The following NFASC variants were observed in gnomAD, a reference collection of about 807,000 sequenced individuals.
The protein encoded by NFASC is neurofascin homolog.
Under a neutral mutation model 147.5 loss-of-function variants are expected in NFASC, and 43 were observed. The observed-to-expected ratio is 0.29, with a 90% CI of 0.23 to 0.38. The LOEUF (loss-of-function observed/expected upper bound fraction) is 0.38. Among genes scored for constraint, NFASC ranks in the 10% least tolerant of loss-of-function variants. The pLI is 1.00. For missense variants in NFASC, 1,320 were observed against 1,689.0 expected, an observed-to-expected ratio of 0.78 and a Z score of 3.83; for synonymous variants, 622 against 665.5, an observed-to-expected ratio of 0.93 and a Z score of 1.01.
chr1:204,981,444 G>T (rs1383837451), intron 20 of NFASC, among the ~76,000 whole-genome samples: 5 of 152,282 alleles, frequency 3.3e-5, no homozygotes, highest in African/African-American at 1.2e-4. Context: ...TGACTTTGGA[G>T]AAGTTTACCT....
At chr1:205,009,463 C>A in intron 27 of NFASC, 94 bp from the exon 28 acceptor site, 1 of 1,353,754 alleles carries the variant, frequency 7.4e-7, no homozygotes, top group South Asian at 1.2e-5. Context: ...GAGAAACATC[C>A]ACATGAGATA....
chr1:204,902,521 A>G (rs1478954100), intron 1 of NFASC, among the ~76,000 whole-genome samples: 3 of 152,244 alleles, frequency 2.0e-5, no homozygotes, highest in African/African-American at 7.2e-5. Context: ...ATTTTGTAAC[A>G]GAGTCATTGT....
In NFASC at chr1:204,997,364, A is replaced by C; in HGVS notation, c.2977A>C (p.Ser993Arg). The change falls in exon 25 of 30, where the codon AGT becomes CGT. Residue 993 changes from serine (S) to arginine (R), a missense_variant. Physicochemically the swap from Ser to Arg is moderately radical, Grantham distance 110 (BLOSUM62 -1). Around this residue, in one of 3 missense-constraint regions of NFASC, gnomAD observed 172 missense variants for 165.8 expected, o/e 1.04. Coordinates refer to ENST00000339876, the MANE Select transcript of NFASC (RefSeq NM_001005388.3). ...TGCTGCCGCCACCACCACCACGGAG[A>C]GTCCTCCCACCACCACCTCCGGGAC... Reference protein sequence around the residue: ...TTAAATTTTESPPTTTSGTKI... With the variant: ...TTAAATTTTERPPTTTSGTKI... 1 of 1,554,854 alleles carries C rather than the reference A, an allele frequency of 6.4e-7. No individual in the cohort carries two copies. Among genetic ancestry groups the C allele is most frequent in the Non-Finnish European group, 8.7e-7 (1 of 1,148,802 alleles).
intron 1 of NFASC, among the ~76,000 whole-genome samples, chr1:204,872,225 C>G (rs1051387695): frequency 6.6e-6 from 1 of 152,188 alleles, no homozygotes; most frequent in African/African-American, 2.4e-5. Flanking sequence ...CTCCCTCAAC[C>G]CTATGCACAA....
At chr1:204,970,393 A>G (rs1196548715) in intron 10 of NFASC, among the ~76,000 whole-genome samples, 1 of 152,218 alleles carries the variant, frequency 6.6e-6, no homozygotes, top group Non-Finnish European at 1.5e-5. Context: ...GTTTAGAACT[A>G]TTGTTCTGTG....
chr1:204,879,372 G>A (rs2079678152), intron 1 of NFASC, among the ~76,000 whole-genome samples: 1 of 152,228 alleles, frequency 6.6e-6, no homozygotes, highest in African/African-American at 2.4e-5. Flanking sequence ...GTAGGATAGG[G>A]TACAGTGATC....
At chr1:205,002,225 C>T (rs1372479541) in intron 26 of NFASC, among the ~76,000 whole-genome samples, 1 of 152,202 alleles carries the variant, frequency 6.6e-6, no homozygotes, top group Non-Finnish European at 1.5e-5. Flanking sequence ...TGCTAACTGG[C>T]TTTTGGCCCT....
chr1:204,927,446 T>C (rs1321624574), intron 2 of NFASC, among the ~76,000 whole-genome samples: 6 of 151,930 alleles, frequency 3.9e-5, no homozygotes, highest in Non-Finnish European at 8.8e-5. Flanking sequence ...ATACTGCATT[T>C]TGCTTATTCA....
Position 204,991,427 on chromosome 1 carries a change from T to C in NFASC, c.2782+121T>C, listed in dbSNP as rs977927189. 6 of 1,074,202 alleles carry C rather than the reference T, an allele frequency of 5.6e-6. No individual in the cohort carries two copies. In the African/African-American group the frequency reaches 7.8e-5, roughly 14 times the overall value. The allele number at this position is 1,074,202 out of a possible 1,614,324, so 66.5% of individuals were successfully genotyped here. A position where few individuals can be genotyped will look rare whatever the true frequency, so the allele number is the denominator to read the frequency against. On this transcript the variant is annotated intron_variant, in intron 24 of 29. Coordinates refer to ENST00000339876, the MANE Select transcript of NFASC (RefSeq NM_001005388.3). ...TGAAAGCATGCTCCAGACTCACCCT[T>C]TCAGTGGTTGGGAAGCCAGACTGTC...
chr1:204,922,648 C>T (rs901317185), intron 2 of NFASC, among the ~76,000 whole-genome samples: 7 of 152,112 alleles, frequency 4.6e-5, no homozygotes, highest in African/African-American at 4.8e-5. Context: ...GGCTTGGATG[C>T]GCTGAATTGT....
intron 1 of NFASC, among the ~76,000 whole-genome samples, chr1:204,863,680 C>G (rs969317420): frequency 5.9e-5 from 9 of 151,942 alleles, no homozygotes; most frequent in African/African-American, 2.2e-4. Context: ...TGAACCCCGT[C>G]TCTACTAAAA....
At chr1:205,006,761 G>A (rs2096120609) in intron 27 of NFASC, among the ~76,000 whole-genome samples, 1 of 152,210 alleles carries the variant, frequency 6.6e-6, no homozygotes, top group African/African-American at 2.4e-5. Flanking sequence ...AGCTCTTAGA[G>A]ATGGGCACAG....
At chr1:204,899,647 G>GGAAA (rs909603257) in intron 1 of NFASC, among the ~76,000 whole-genome samples, 40 of 152,248 alleles carry the variant, frequency 2.6e-4, no homozygotes, top group African/African-American at 8.9e-4. Context: ...CTGATGTTAG[G>GGAAA]GAAAGAAAGA....
intron 1 of NFASC, among the ~76,000 whole-genome samples, chr1:204,912,138 C>T (rs763777691): frequency 1.4e-4 from 21 of 151,432 alleles, no homozygotes; most frequent in Non-Finnish European, 2.8e-4. Context: ...TTGATTTCTG[C>T]TCTTTATTAT....
At chr1:204,964,857 G>A (rs1190113149) in intron 8 of NFASC, among the ~76,000 whole-genome samples, 5 of 152,178 alleles carry the variant, frequency 3.3e-5, no homozygotes, top group African/African-American at 4.8e-5. Context: ...CTTGACAGAG[G>A]GGGGCAACTA....
At chr1:204,868,333 C>T (rs2077286084) in intron 1 of NFASC, among the ~76,000 whole-genome samples, 1 of 152,202 alleles carries the variant, frequency 6.6e-6, no homozygotes, top group Non-Finnish European at 1.5e-5. Flanking sequence ...TTGGAGGGAG[C>T]TGTGGCTGGC....
chr1:204,962,275 C>T, intron 8 of NFASC: 4 of 857,614 alleles, frequency 4.7e-6, no homozygotes, highest in Non-Finnish European at 7.7e-6. Context: ...AGCCAGGGTG[C>T]CAAGGTGACA....
intron 23 of NFASC, among the ~76,000 whole-genome samples, chr1:204,991,010 C>T (rs755462970): frequency 8.5e-5 from 13 of 152,204 alleles, no homozygotes; most frequent in Non-Finnish European, 1.6e-4. Context: ...ATGTCCAGTC[C>T]TTGAATCGAG....
intron 1 of NFASC, among the ~76,000 whole-genome samples, chr1:204,874,232 C>G (rs1275937632): frequency 2.0e-5 from 3 of 152,212 alleles, no homozygotes; most frequent in Admixed American, 2.0e-4. Context: ...TCTCCTGCCG[C>G]TGGGCTTGGC....
Sources: allele counts gnomAD v4.1 joint callset (sites outside exome capture counted in the v4.1 genomes callset), GRCh38; gene constraint gnomAD v4.1.1; regional missense constraint gnomAD v4.1.1; transcripts MANE v1.5; gene names NCBI Gene and HGNC (gene_info 2026-07-23, HGNC 2026-07-21).